DMBT1: variants seen among roughly 807,000 people sequenced by gnomAD.
DMBT1 encodes scavenger receptor cysteine-rich domain-containing protein DMBT1.
A neutral mutation model predicts 252.9 loss-of-function variants in DMBT1; 198 were observed. The ratio of observed to expected loss-of-function variants is 0.78; its 90% CI spans 0.70 to 0.88. The LOEUF is 0.88. Among genes scored for constraint, DMBT1 ranks in the 40% least tolerant of loss-of-function variants. The probability of loss-of-function intolerance (pLI) is 0.00; values close to 1 mark genes in which losing one functional copy is unlikely to be tolerated. For missense variants in DMBT1, 2,432 were observed against 2,404.7 expected (o/e 1.01, Z -0.24); for synonymous variants, 990 against 942.7 (o/e 1.05, Z -0.92).
Position 122,570,876 on chromosome 10 carries a change from TC to T in DMBT1, c.140-13del, listed in dbSNP as rs1407317583. ...GGCTACCATCAATGAGCTCTTCCTT[TC>T]TCCACCCTGCAGGTTCTCCATTTCC... On this transcript the variant is annotated splice_polypyrimidine_tract_variant and intron_variant, in intron 3 of 55. Transcript: ENST00000338354. 3.2e-5 allele frequency: 51 copies of T among 1,612,756 alleles called. No individual in the cohort carries two copies. The highest frequency in any genetic ancestry group is 4.0e-5 in the Non-Finnish European group (47 of 1,178,896).
Position 122,624,464 on chromosome 10 carries a change from A to T in DMBT1, c.5609-813A>T, listed in dbSNP as rs1411124469. ...CCTTGGCCTTCTGGAAGAATTCTGA[A>T]CTTCACTTGACCTCAGATCCTCTTC... On this transcript the variant is annotated intron_variant, in intron 44 of 55. Transcript: ENST00000338354. Among the ~76,000 whole-genome samples the T allele has an allele frequency of 3.9e-5, 6 of 152,188 alleles. No homozygotes were observed. In the East Asian group the frequency reaches 1.2e-3, roughly 29 times the overall value.
At chr10:122,630,161 C>A in intron 47 of DMBT1, 127 bp from the exon 48 acceptor site, 1 of 1,347,284 alleles carries the variant, frequency 7.4e-7, no homozygotes, top group Non-Finnish European at 1.0e-6. Flanking sequence ...TGTCCTTTGA[C>A]TTAATTGAGG....
At chr10:122,599,146 CA>C (rs1565812373) in intron 26 of DMBT1, 49 bp downstream of exon 26, 4 of 1,613,158 alleles carry the variant, frequency 2.5e-6, no homozygotes, top group South Asian at 2.2e-5. Context: ...GAGTTTGCTC[CA>C]GAAGAAACTC....
At chr10:122,625,219 C>A in intron 44 of DMBT1, 58 bp from the exon 45 acceptor site, 4 of 1,559,800 alleles carry the variant, frequency 2.6e-6, no homozygotes, top group Non-Finnish European at 3.5e-6. Flanking sequence ...CTCAGCATTT[C>A]TCTCGCTCAT....
In DMBT1 at chr10:122,592,446, G is replaced by A. The variant is rs1202998169; in HGVS notation, c.2351G>A (p.Gly784Glu). The change falls in exon 20 of 56, where the codon GGA becomes GAA. Residue 784 changes from glycine to glutamate, a missense_variant. Around this residue, in one of 3 missense-constraint regions of DMBT1, gnomAD observed 1,264 missense variants for 1,082.2 expected, o/e 1.17. Coordinates refer to ENST00000338354, the MANE Select transcript of DMBT1 (RefSeq NM_001377530.1). ...TGTGGCTGGGCCACGTCGGCCCCAGGAAATGCCCGGTTTGGCCAGGGCTCA... is the reference window on the plus strand; with the variant it reads ...TGTGGCTGGGCCACGTCGGCCCCAGAAAATGCCCGGTTTGGCCAGGGCTCA... ...LGCGWATSAP[G>E]NARFGQGSGP... 6.3e-6 allele frequency: 10 copies of A among 1,588,292 alleles called. 1 individual carries two copies. In the South Asian group the frequency reaches 1.0e-4, roughly 16 times the overall value.
intron 5 of DMBT1, among the ~76,000 whole-genome samples, chr10:122,573,061 C>T (rs151070253): frequency 9.9e-5 from 15 of 152,190 alleles, no homozygotes; most frequent in African/African-American, 3.6e-4. Context: ...ACAAAGAAAC[C>T]TACAAGGACA....
chr10:122,587,805 T>C (rs1340203598), intron 16 of DMBT1, among the ~76,000 whole-genome samples: 2 of 148,692 alleles, frequency 1.3e-5, no homozygotes, highest in Non-Finnish European at 3.0e-5. Flanking sequence ...ACATTTTAGC[T>C]GTAACAATCA....
chr10:122,623,286 T>C (rs2098087556), intron 44 of DMBT1, among the ~76,000 whole-genome samples: 1 of 152,254 alleles, frequency 6.6e-6, no homozygotes, highest in African/African-American at 2.4e-5. Context: ...CTACGCCATC[T>C]TTGTCTATCC....
At chr10:122,593,715 C>A in intron 21 of DMBT1, 117 bp downstream of exon 21, 1 of 1,322,304 alleles carries the variant, frequency 7.6e-7, no homozygotes, top group Non-Finnish European at 1.0e-6. Flanking sequence ...ATATTATTTC[C>A]ACCCCCAACA....
At chr10:122,568,819 A>C (rs2097629649) in intron 2 of DMBT1, among the ~76,000 whole-genome samples, 1 of 152,172 alleles carries the variant, frequency 6.6e-6, no homozygotes, top group Non-Finnish European at 1.5e-5. Context: ...TTGCTTGGGA[A>C]GGGAGTCCTA....
intron 15 of DMBT1, 119 bp downstream of exon 15, chr10:122,585,428 T>C: frequency 7.7e-7 from 1 of 1,302,826 alleles, no homozygotes; most frequent in African/African-American, 1.4e-5. Flanking sequence ...TCCCTGTGGG[T>C]TGCATGGGAG....
rs373019306 is a variant in DMBT1, at chr10:122,579,773, G to A, written c.875G>A (p.Gly292Asp). The A allele has an allele frequency of 1.2e-6, 2 of 1,613,824 alleles. No individual in the cohort carries two copies. Among genetic ancestry groups the A allele is most frequent in the East Asian group, 2.2e-5 (1 of 44,864 alleles). The change falls in exon 10 of 56, where the codon GGC becomes GAC. Residue 292 changes from glycine (G) to aspartate (D), a missense_variant. Transcript: ENST00000338354. The part of the protein sequence containing the change: ...SAPGNAQFGQ[G>D]SGPIVLDDVR... ...CCAGGAAATGCCCAGTTTGGCCAGG[G>A]CTCAGGACCCATTGTCCTGGATGAT...
rs764961784 is a variant in DMBT1, at chr10:122,631,268, T to C, written c.6333T>C (p.Gly2111=). Residue 2111 remains glycine, a synonymous_variant, in exon 49 of 56, where the codon GGT becomes GGC. Transcript: ENST00000338354. ...SHNCNHREDA[G]VICSGNHLST... ...ACTGTAATCATCGTGAAGATGCTGG[T>C]GTCATCTGCTCAGGTATGGCCCAAT... 5.0e-6 allele frequency: 8 copies of C among 1,613,978 alleles called. No homozygotes were observed. Among genetic ancestry groups the C allele is most frequent in the Non-Finnish European group, 5.9e-6 (7 of 1,179,868 alleles).
chr10:122,631,206 C>G lies in DMBT1; in HGVS notation c.6271C>G (p.Leu2091Val). 1.9e-6 allele frequency: 3 copies of G among 1,614,018 alleles called. No homozygotes were observed. The highest frequency in any genetic ancestry group is 2.5e-6 in the Non-Finnish European group (3 of 1,179,900). ...DVECSGTEST[L>V]WQCRNRGWFS... Reference sequence around the variant, plus strand: ...AGAGTGCTCAGGGACGGAATCCACTCTCTGGCAGTGCCGGAACCGAGGCTG... The same window carrying G: ...AGAGTGCTCAGGGACGGAATCCACTGTCTGGCAGTGCCGGAACCGAGGCTG... Residue 2091 changes from leucine (L) to valine (V), a missense_variant, in exon 49 of 56, where the codon CTC becomes GTC. By Grantham distance (32) the Leu-to-Val change is conservative (BLOSUM62 1). Around this residue, in one of 3 missense-constraint regions of DMBT1, gnomAD observed 1,162 missense variants for 1,169.0 expected, o/e 0.99. Transcript: ENST00000338354.
chr10:122,618,287 G>T lies in DMBT1; in HGVS notation c.5162G>T (p.Gly1721Val). The stretch of plus-strand genomic sequence containing the variant: ...TACCTGTGGAGCTGCCCCCACAATG[G>T]CTGGCTCTCCCACAACTGTGGCCAT... ...ESYLWSCPHN[G>V]WLSHNCGHHE... The change falls in exon 41 of 56, where the codon GGC becomes GTC. Residue 1721 changes from glycine to valine, a missense_variant. By Grantham distance (109) the Gly-to-Val change is moderately radical. Around this residue, in one of 3 missense-constraint regions of DMBT1, gnomAD observed 1,162 missense variants for 1,169.0 expected, o/e 0.99. Transcript: ENST00000338354. 1 of 1,613,834 alleles carries T rather than the reference G, an allele frequency of 6.2e-7. No individual in the cohort carries two copies. The highest frequency in any genetic ancestry group is 8.5e-7 in the Non-Finnish European group (1 of 1,179,778).
intron 54 of DMBT1, among the ~76,000 whole-genome samples, chr10:122,637,785 T>C (rs1017264883): frequency 1.8e-4 from 27 of 152,194 alleles, no homozygotes; most frequent in African/African-American, 6.5e-4. Context: ...CACATTGCAG[T>C]AGGCAGGGAA....
chr10:122,619,179 C>A (rs549598657), intron 41 of DMBT1, 129 bp from the exon 42 acceptor site: 3 of 1,199,616 alleles, frequency 2.5e-6, no homozygotes, highest in Admixed American at 1.7e-5. Flanking sequence ...CATGGCAATG[C>A]CCCTCCCTCT....
At chr10:122,635,717 G>A (rs933209461) in intron 52 of DMBT1, among the ~76,000 whole-genome samples, 1 of 151,898 alleles carries the variant, frequency 6.6e-6, no homozygotes, top group Non-Finnish European at 1.5e-5. Context: ...CACCACGCCC[G>A]GCTAATTTTT....
At position 122,643,703 on chromosome 10, in the gene DMBT1, G is replaced by T; in HGVS notation, c.*305G>T. 1 of 373,786 alleles carries T rather than the reference G, an allele frequency of 2.7e-6. No individual in the cohort carries two copies. Among genetic ancestry groups the T allele is most frequent in the East Asian group, 4.7e-5 (1 of 21,470 alleles). 23.2% of individuals were successfully genotyped at this position (373,786 alleles called of 1,614,324 possible). A position where few individuals can be genotyped will look rare whatever the true frequency, so the allele number is the denominator to read the frequency against. Reference sequence around the variant, plus strand: ...ACTTACTTCTTAGCACTGTTGAGAGGGTTACTTACATAAAGGAATTTTGGT... The same window carrying T: ...ACTTACTTCTTAGCACTGTTGAGAGTGTTACTTACATAAAGGAATTTTGGT... On this transcript the variant is annotated 3_prime_UTR_variant, in exon 56 of 56. Coordinates refer to ENST00000338354, the MANE Select transcript of DMBT1 (RefSeq NM_001377530.1).
Sources: gnomAD v4.1 joint callset for allele counts (sites outside exome capture counted in the v4.1 genomes callset) on GRCh38, gnomAD v4.1.1 for gene constraint, gnomAD v4.1.1 regional missense constraint, MANE v1.5 for transcripts, NCBI Gene and HGNC (gene_info 2026-07-23, HGNC 2026-07-21) for gene names.